MS4A6A: variants seen among roughly 807,000 people sequenced by gnomAD.
MS4A6A encodes the protein membrane spanning 4-domains A6A.
In MS4A6A, 19 loss-of-function variants were observed where a neutral mutation model predicts 20.6. The observed-to-expected ratio is 0.92, with a 90% CI of 0.64 to 1.36. The LOEUF is 1.36. Ranked by LOEUF, MS4A6A falls within the 40% of genes most tolerant of loss-of-function variation. The probability of loss-of-function intolerance (pLI) is 0.00; values close to 1 mark genes in which losing one functional copy is unlikely to be tolerated. For synonymous variants in MS4A6A, 108 were observed against 105.0 expected, an observed-to-expected ratio of 1.03 and a Z score of -0.17; for missense variants, 272 against 261.1, an observed-to-expected ratio of 1.04 and a Z score of -0.29.
At chr11:60,183,254 A>C, upstream of MS4A6A, 1 of 1,381,386 alleles carries the variant, frequency 7.2e-7, no homozygotes, top group Non-Finnish European at 9.9e-7. Context: ...ATGGAGCCTT[A>C]TGTGTGAATT....
At chr11:60,182,854 C>T (rs1219886045) in intron 1 of MS4A6A, 124 bp downstream of exon 1, 1 of 351,730 alleles carries the variant, frequency 2.8e-6, no homozygotes, top group Non-Finnish European at 4.7e-6. Context: ...CATTTGCCCA[C>T]TCTATTTCCA....
downstream of MS4A6A, among the ~76,000 whole-genome samples, chr11:60,171,814 G>C (rs1856600849): frequency 6.6e-6 from 1 of 152,118 alleles, no homozygotes; most frequent in Admixed American, 6.5e-5. Flanking sequence ...TTGCTTCACT[G>C]TGATCCATTG....
rs144777913 is a variant in MS4A6A at position 60,183,050 on chromosome 11, A to C, written c.-87T>G. 479 of 1,471,380 alleles carry C rather than the reference A, an allele frequency of 3.3e-4. 2 individuals are homozygous for C. In the African/African-American group the frequency reaches 6.3e-3, roughly 19 times the overall value. 91.1% of individuals were successfully genotyped at this position (1,471,380 alleles called of 1,614,324 possible). On this transcript the variant is annotated 5_prime_UTR_variant, in exon 1 of 6. An upstream open reading frame in the 5' UTR loses its in-frame stop. Coordinates refer to ENST00000528851, the MANE Select transcript of MS4A6A (RefSeq NM_022349.4). ...TTAACTCTGGTTTCTCAGTCCCATC[A>C]ACGGTTTCTACTTACCTTCATCTTC... is the stretch of plus-strand genomic sequence containing the variant.
At position 60,172,772 on chromosome 11, in the gene MS4A6A, C is replaced by T. The variant is rs867138549; in HGVS notation, c.*229G>A. ...TAACTTCCCAGAGTCTCATTCCCTT[C>T]GCTGACAAAATAGGAAGATTGAATC... On this transcript the variant is annotated 3_prime_UTR_variant, in exon 6 of 6. Transcript: ENST00000528851. The T allele has an allele frequency of 7.9e-5, 103 of 1,301,866 alleles. No homozygotes were observed. The highest frequency in any genetic ancestry group is 1.6e-4 in the South Asian group (10 of 63,438). 80.6% of individuals were successfully genotyped at this position (1,301,866 alleles called of 1,614,324 possible).
chr11:60,172,674 TAAGGGAGGC>T lies in MS4A6A; in HGVS notation c.*318_*326del. On this transcript the variant is annotated 3_prime_UTR_variant, in exon 6 of 6. Transcript: ENST00000528851. Reference sequence around the variant, plus strand: ...TTGTGGCAGAAATTGTTTCTGCTTATAAGGGAGGCAAGCCAGGTTCTAGTGTCCTCAGCA... The same window carrying T: ...TTGTGGCAGAAATTGTTTCTGCTTATAAGCCAGGTTCTAGTGTCCTCAGCA... The T allele has an allele frequency of 8.5e-7, 1 of 1,174,698 alleles. No individual in the cohort carries two copies. Among genetic ancestry groups the T allele is most frequent in the African/African-American group, 1.6e-5 (1 of 63,838 alleles). The allele number at this position is 1,174,698 out of a possible 1,614,324, so 72.8% of individuals were successfully genotyped here.
intron 1 of MS4A6A, among the ~76,000 whole-genome samples, chr11:60,182,119 GCTTA>G (rs1420157200): frequency 2.0e-5 from 3 of 152,216 alleles, no homozygotes; most frequent in Admixed American, 2.0e-4. Flanking sequence ...AATGAACTCT[GCTTA>G]CTTATTTCTT....
chr11:60,181,464 T>C, intron 2 of MS4A6A, 117 bp downstream of exon 2: 3 of 1,310,806 alleles, frequency 2.3e-6, no homozygotes, highest in South Asian at 2.9e-5. Context: ...TACCCTAAAG[T>C]CCCTCTAGCA....
upstream of MS4A6A, chr11:60,183,250 C>A (rs533785121): frequency 7.7e-6 from 11 of 1,425,916 alleles, no homozygotes; most frequent in Non-Finnish European, 1.0e-5. Context: ...AGTCATGGAG[C>A]CTTATGTGTG....
rs1856791091 is a variant in MS4A6A, at chr11:60,175,542, C to T, written c.409G>A (p.Val137Ile). ...SALVGFIILS[V>I]KQATLNPASL... ...GCAGGATTTAAGGTGGCCTGTTTGA[C>T]AGACAGGATAATGAAACCCACCAGG... The change falls in exon 5 of 6, where the codon GTC becomes ATC. Residue 137 changes from valine to isoleucine, a missense_variant. Transcript: ENST00000528851. 1.9e-6 allele frequency: 3 copies of T among 1,614,154 alleles called. No individual in the cohort carries two copies. Among genetic ancestry groups the T allele is most frequent in the Non-Finnish European group, 2.5e-6 (3 of 1,180,042 alleles).
chr11:60,180,749 A>G (rs1285029558), intron 2 of MS4A6A: 4 of 263,602 alleles, frequency 1.5e-5, no homozygotes, highest in Non-Finnish European at 3.0e-5. Context: ...TAACACAGGG[A>G]CAGAAACCAA....
intron 2 of MS4A6A, 54 bp downstream of exon 2, chr11:60,181,527 C>T (rs779815272): frequency 5.6e-6 from 9 of 1,596,940 alleles, no homozygotes; most frequent in Non-Finnish European, 7.7e-6. Context: ...AGACATATAT[C>T]ATCTCTTGGC....
Position 60,172,733 on chromosome 11 carries a change from C to T in MS4A6A, c.*268G>A. On this transcript the variant is annotated 3_prime_UTR_variant, in exon 6 of 6. Transcript: ENST00000528851. The stretch of plus-strand genomic sequence containing the variant: ...AAAGGCACAAACTCATAGCATAATG[C>T]CAGGCCAGTCATTTAACTTCCCAGA... 8.0e-7 allele frequency: 1 copy of T among 1,246,038 alleles called. No individual in the cohort carries two copies. The highest frequency in any genetic ancestry group is 1.0e-6 in the Non-Finnish European group (1 of 980,040). 77.2% of individuals were successfully genotyped at this position (1,246,038 alleles called of 1,614,324 possible).
chr11:60,179,073 T>C (rs1372339909), intron 3 of MS4A6A, among the ~76,000 whole-genome samples: 2 of 152,182 alleles, frequency 1.3e-5, no homozygotes, highest in Non-Finnish European at 2.9e-5. Context: ...AGTGTAACTT[T>C]AGTTAATAAG....
rs753109425 is a variant in MS4A6A at position 60,175,455 on chromosome 11, A to T, written c.496T>A (p.Tyr166Asn). The stretch of plus-strand genomic sequence containing the variant: ...TCCGTGGTATAAAGTGAATCATGAT[A>T]AAAGTAAGAAACATAACTTCTTGTT... ...IPTRSYVSYFYHDSLYTTDCY... is the reference protein window; with the variant it reads ...IPTRSYVSYFNHDSLYTTDCY... The change falls in exon 5 of 6, where the codon TAT (tyrosine) becomes AAT (asparagine). Residue 166 changes from tyrosine (Y) to asparagine (N), a missense_variant. Tyr to Asn is a moderately radical substitution (Grantham distance 143). Coordinates refer to ENST00000528851, the MANE Select transcript of MS4A6A (RefSeq NM_022349.4). 1 of 1,614,210 alleles carries T rather than the reference A, an allele frequency of 6.2e-7. No homozygotes were observed. The highest frequency in any genetic ancestry group is 1.1e-5 in the South Asian group (1 of 91,084).
At chr11:60,178,232 G>A in intron 4 of MS4A6A, 28 bp downstream of exon 4, 1 of 1,588,774 alleles carries the variant, frequency 6.3e-7, no homozygotes, top group Non-Finnish European at 8.6e-7. Context: ...TGATCCATTG[G>A]GTTGTGGGTT....
chr11:60,176,543 G>A (rs1446029704), intron 4 of MS4A6A, among the ~76,000 whole-genome samples: 1 of 152,074 alleles, frequency 6.6e-6, no homozygotes, highest in Non-Finnish European at 1.5e-5. Flanking sequence ...TATAGTTACA[G>A]GTAGGTAGGC....
intron 5 of MS4A6A, among the ~76,000 whole-genome samples, chr11:60,174,326 CTTTT>C (rs5792171): frequency 7.0e-6 from 1 of 142,042 alleles, no homozygotes; most frequent in African/African-American, 2.6e-5. Context: ...TTCTTTATTC[CTTTT>C]TTTTTTTTTT....
chr11:60,173,201 C>T, intron 5 of MS4A6A, 72 bp from the exon 6 acceptor site: 1 of 1,356,122 alleles, frequency 7.4e-7, no homozygotes, highest in Non-Finnish European at 1.1e-6. Context: ...TGAGAGGTGA[C>T]CATAGAGATG....
At chr11:60,174,623 G>A (rs774577516) in intron 5 of MS4A6A, among the ~76,000 whole-genome samples, 4 of 152,008 alleles carry the variant, frequency 2.6e-5, no homozygotes, top group African/African-American at 7.2e-5. Flanking sequence ...TGACCCAGCC[G>A]TCCCTTTACT....
Sources: gnomAD v4.1 joint callset for allele counts (sites outside exome capture counted in the v4.1 genomes callset) on GRCh38, gnomAD v4.1.1 for gene constraint, MANE v1.5 for transcripts, NCBI Gene and HGNC (gene_info 2026-07-23, HGNC 2026-07-21) for gene names.